Variants in NPAS3 observed in about 807,000 individuals in gnomAD.
NPAS3 encodes neuronal PAS domain-containing protein 3.
Under a neutral mutation model 73.1 loss-of-function variants are expected in NPAS3, and 14 were observed. The observed-to-expected ratio is 0.19, with a 90% CI of 0.13 to 0.30. The LOEUF is 0.30. Ranked by LOEUF, NPAS3 falls within the 10% of genes least tolerant of loss-of-function variation. The pLI is 1.00. For missense variants in NPAS3, 1,096 were observed against 1,250.0 expected, an observed-to-expected ratio of 0.88 and a Z score of 1.86; for synonymous variants, 620 against 541.5, an observed-to-expected ratio of 1.14 and a Z score of -2.01.
intron 5 of NPAS3, among the ~76,000 whole-genome samples, chr14:33,595,812 A>G (rs2057223978): frequency 6.6e-6 from 1 of 152,154 alleles, no homozygotes; most frequent in Non-Finnish European, 1.5e-5. Context: ...CTGGGACTAC[A>G]GGTGCCCGCC....
At chr14:33,549,866 G>C (rs949923651) in intron 4 of NPAS3, among the ~76,000 whole-genome samples, 1 of 152,094 alleles carries the variant, frequency 6.6e-6, no homozygotes, top group Non-Finnish European at 1.5e-5. Context: ...TTCAAGTAAT[G>C]AATGGCCAAT....
intron 3 of NPAS3, among the ~76,000 whole-genome samples, chr14:33,325,504 G>T (rs1291538448): frequency 1.3e-5 from 2 of 152,020 alleles, no homozygotes; most frequent in Non-Finnish European, 2.9e-5. Flanking sequence ...AAATTAGCTG[G>T]TTGTGGTGGT....
At chr14:33,739,082 A>T (rs1206881899) in intron 7 of NPAS3, among the ~76,000 whole-genome samples, 6 of 152,164 alleles carry the variant, frequency 3.9e-5, no homozygotes, top group African/African-American at 9.6e-5. Context: ...TCCTCATTCT[A>T]ATGGCACAGT....
At chr14:33,767,599 C>CTTT (rs10711937) in intron 7 of NPAS3, among the ~76,000 whole-genome samples, 3,689 of 138,610 alleles carry the variant, frequency 0.027, 74 homozygotes, top group African/African-American at 0.04. Context: ...GGACTCTTGT[C>CTTT]TTTTTTTTTT....
At chr14:33,217,732 A>G (rs1253771346) in intron 3 of NPAS3, among the ~76,000 whole-genome samples, 1 of 152,198 alleles carries the variant, frequency 6.6e-6, no homozygotes, top group Non-Finnish European at 1.5e-5. Flanking sequence ...TTCCAGAATC[A>G]TGGCCTTTTA....
chr14:33,494,742 A>G (rs913601335), intron 4 of NPAS3, among the ~76,000 whole-genome samples: 2 of 152,116 alleles, frequency 1.3e-5, no homozygotes, highest in Non-Finnish European at 1.5e-5. Context: ...ACAGTCAACA[A>G]CATTCCTTAC....
chr14:33,608,237 A>G (rs538292385), intron 5 of NPAS3, among the ~76,000 whole-genome samples: 7 of 152,190 alleles, frequency 4.6e-5, no homozygotes, highest in Admixed American at 6.5e-5. Context: ...GTAGCCTACT[A>G]TCTAGTCTTA....
At chr14:33,627,391 AT>A (rs1162638784) in intron 5 of NPAS3, among the ~76,000 whole-genome samples, 2 of 152,172 alleles carry the variant, frequency 1.3e-5, no homozygotes, top group African/African-American at 4.8e-5. Flanking sequence ...CCTAGCTAAA[AT>A]ACTCTTCACT....
intron 1 of NPAS3, among the ~76,000 whole-genome samples, chr14:32,991,598 A>G (rs1276659990): frequency 1.3e-5 from 2 of 152,326 alleles, no homozygotes; most frequent in East Asian, 3.9e-4. Flanking sequence ...TAATGACTAG[A>G]TAACAATGAA....
chr14:33,375,614 G>T (rs1322376342), intron 4 of NPAS3, among the ~76,000 whole-genome samples: 1 of 152,208 alleles, frequency 6.6e-6, no homozygotes, highest in East Asian at 1.9e-4. Flanking sequence ...AGGGATTGCA[G>T]TATTTTTATT....
chr14:33,362,562 G>C (rs1167890816), intron 3 of NPAS3, among the ~76,000 whole-genome samples: 1 of 152,084 alleles, frequency 6.6e-6, no homozygotes, highest in East Asian at 1.9e-4. Flanking sequence ...CAAAGCCCAG[G>C]AAGTCAATGT....
chr14:32,958,409 A>G (rs1310272703), intron 1 of NPAS3, among the ~76,000 whole-genome samples: 1 of 152,174 alleles, frequency 6.6e-6, no homozygotes, highest in African/African-American at 2.4e-5. Context: ...GCAGCATTTG[A>G]CGCTGCTGAT....
chr14:33,749,386 G>A (rs2061894188), intron 7 of NPAS3, among the ~76,000 whole-genome samples: 1 of 152,094 alleles, frequency 6.6e-6, no homozygotes, highest in African/African-American at 2.4e-5. Context: ...CAGTTTTAGG[G>A]ACCTGAAATG....
chr14:33,461,183 A>G (rs1041679552), intron 4 of NPAS3, among the ~76,000 whole-genome samples: 1 of 152,224 alleles, frequency 6.6e-6, no homozygotes, highest in Non-Finnish European at 1.5e-5. Flanking sequence ...AGAATCATGG[A>G]ATAATCTCAA....
At chr14:33,493,472 G>A (rs150260920) in intron 4 of NPAS3, among the ~76,000 whole-genome samples, 64 of 152,206 alleles carry the variant, frequency 4.2e-4, no homozygotes, top group African/African-American at 1.3e-3. Context: ...ACGACAGGCA[G>A]AATGAAAGGA....
intron 4 of NPAS3, among the ~76,000 whole-genome samples, chr14:33,410,956 T>C (rs574255470): frequency 9.2e-5 from 14 of 152,262 alleles, no homozygotes; most frequent in African/African-American, 3.1e-4. Flanking sequence ...GAATAGTTGG[T>C]ATTTTTATTC....
intron 4 of NPAS3, among the ~76,000 whole-genome samples, chr14:33,429,928 T>C (rs943173515): frequency 6.6e-6 from 1 of 151,980 alleles, no homozygotes. Flanking sequence ...AAATCAAGAG[T>C]CTGAGGGCAG....
At position 33,337,634 on chromosome 14, in the gene NPAS3, ATT is replaced by A. The variant is rs1363266212; in HGVS notation, c.386-29548_386-29547del. On this transcript the variant is annotated intron_variant, in intron 3 of 11. Transcript: ENST00000356141. ...AGTTTCTATAAAAATTCCTGCTGGA[ATT>A]TTTATAGAAATTCCACTGAATCTAT... 3.9e-5 allele frequency among the ~76,000 whole-genome samples: 6 copies of A among 152,100 alleles called. No homozygotes were observed. In the East Asian group the frequency reaches 7.7e-4, roughly 20 times the overall value.
chr14:33,198,271 G>A (rs2046460753), intron 2 of NPAS3, among the ~76,000 whole-genome samples: 1 of 148,956 alleles, frequency 6.7e-6, no homozygotes, highest in Admixed American at 6.9e-5. Flanking sequence ...TGCCCCTGCT[G>A]GCTCAGGCAG....
Sources: gnomAD v4.1 joint callset for allele counts (sites outside exome capture counted in the v4.1 genomes callset) on GRCh38, gnomAD v4.1.1 for gene constraint, MANE v1.5 for transcripts, NCBI Gene and HGNC (gene_info 2026-07-23, HGNC 2026-07-21) for gene names.